Variants in CTNNA3 observed in about 807,000 individuals in gnomAD.
CTNNA3 encodes catenin alpha 3.
A neutral mutation model predicts 95.7 loss-of-function variants in CTNNA3; 76 were observed. The ratio of observed to expected loss-of-function variants is 0.79; its 90% CI spans 0.66 to 0.96. The LOEUF is 0.96. Ranked by LOEUF, CTNNA3 falls within the 40% of genes least tolerant of loss-of-function variation. The probability of loss-of-function intolerance (pLI) is 0.00; values close to 1 mark genes in which losing one functional copy is unlikely to be tolerated. For missense variants in CTNNA3, 1,191 were observed against 1,089.8 expected, an observed-to-expected ratio of 1.09 and a Z score of -1.31; for synonymous variants, 431 against 374.4, an observed-to-expected ratio of 1.15 and a Z score of -1.74.
chr10:66,815,330 T>C (rs1218189140), intron 7 of CTNNA3, among the ~76,000 whole-genome samples: 1 of 152,066 alleles, frequency 6.6e-6, no homozygotes, highest in African/African-American at 2.4e-5. Context: ...CCTCCCTTCA[T>C]CCCCAGTTCT....
At chr10:67,389,777 A>G (rs1041833755) in intron 5 of CTNNA3, among the ~76,000 whole-genome samples, 4 of 151,984 alleles carry the variant, frequency 2.6e-5, no homozygotes, top group African/African-American at 9.7e-5. Flanking sequence ...GCTCAACTAC[A>G]TGGAAACTGA....
At chr10:66,345,455 T>G (rs2092499764) in intron 12 of CTNNA3, among the ~76,000 whole-genome samples, 1 of 152,148 alleles carries the variant, frequency 6.6e-6, no homozygotes, top group African/African-American at 2.4e-5. Flanking sequence ...CTCTGTGTCA[T>G]TATTCTACCA....
chr10:67,182,309 A>G (rs1436780737), intron 6 of CTNNA3, among the ~76,000 whole-genome samples: 1 of 152,212 alleles, frequency 6.6e-6, no homozygotes, highest in African/African-American at 2.4e-5. Context: ...GGCTACAGTA[A>G]CCAAAACAGC....
intron 7 of CTNNA3, among the ~76,000 whole-genome samples, chr10:66,915,137 A>C (rs1846421712): frequency 6.6e-6 from 1 of 151,970 alleles, no homozygotes; most frequent in Non-Finnish European, 1.5e-5. Context: ...ATTTGTATAG[A>C]ACTGAAGGAC....
At chr10:67,251,254 A>G (rs1052872118) in intron 5 of CTNNA3, among the ~76,000 whole-genome samples, 1 of 152,208 alleles carries the variant, frequency 6.6e-6, no homozygotes, top group African/African-American at 2.4e-5. Flanking sequence ...GGTATGAGTT[A>G]GTTTCTATGA....
chr10:67,648,072 T>C (rs1839770528), intron 1 of CTNNA3, among the ~76,000 whole-genome samples: 1 of 152,166 alleles, frequency 6.6e-6, no homozygotes, highest in Non-Finnish European at 1.5e-5. Context: ...AAGAAACTAA[T>C]ACAAATTGCA....
At chr10:66,032,340 T>C (rs1370760706) in intron 15 of CTNNA3, among the ~76,000 whole-genome samples, 1 of 152,200 alleles carries the variant, frequency 6.6e-6, no homozygotes, top group African/African-American at 2.4e-5. Context: ...TATGTAGAGG[T>C]ATTTTTAGGT....
chr10:65,944,647 A>G (rs920404570), intron 17 of CTNNA3, among the ~76,000 whole-genome samples: 3 of 152,184 alleles, frequency 2.0e-5, no homozygotes, highest in African/African-American at 7.2e-5. Context: ...ATATTAAGCC[A>G]TTTAGCTGGC....
intron 5 of CTNNA3, among the ~76,000 whole-genome samples, chr10:67,374,794 T>C (rs545894099): frequency 1.3e-5 from 2 of 152,286 alleles, no homozygotes; most frequent in South Asian, 4.2e-4. Flanking sequence ...CATAAGCTAC[T>C]TGAAGAGAAA....
intron 7 of CTNNA3, among the ~76,000 whole-genome samples, chr10:67,095,063 TG>T (rs1210949464): frequency 2.9e-5 from 3 of 103,102 alleles, no homozygotes; most frequent in African/African-American, 1.7e-4. Flanking sequence ...TGTATCTGTA[TG>T]TGTGTACCCC....
chr10:67,386,619 T>C (rs941195264), intron 5 of CTNNA3, among the ~76,000 whole-genome samples: 1 of 152,148 alleles, frequency 6.6e-6, no homozygotes, highest in African/African-American at 2.4e-5. Flanking sequence ...AACAAAGCAC[T>C]GAGGAAGATC....
At chr10:66,627,892 T>C (rs1844994015) in intron 9 of CTNNA3, among the ~76,000 whole-genome samples, 2 of 152,208 alleles carry the variant, frequency 1.3e-5, no homozygotes, top group Admixed American at 6.5e-5. Context: ...CTGCTCATTC[T>C]GTTTGAAAAC....
intron 7 of CTNNA3, among the ~76,000 whole-genome samples, chr10:67,074,811 AATTT>A (rs934854749): frequency 1.4e-5 from 2 of 147,108 alleles, no homozygotes; most frequent in Admixed American, 6.6e-5. Context: ...AACATAACAT[AATTT>A]ATTTATGTAT....
intron 13 of CTNNA3, among the ~76,000 whole-genome samples, chr10:66,205,121 T>G (rs1210379803): frequency 1.3e-5 from 2 of 152,110 alleles, no homozygotes; most frequent in African/African-American, 4.8e-5. Context: ...GTCCACTAAT[T>G]AAGCTTGATT....
intron 7 of CTNNA3, among the ~76,000 whole-genome samples, chr10:66,910,883 A>C (rs1846193642): frequency 6.6e-6 from 1 of 152,234 alleles, no homozygotes. Flanking sequence ...ACAGTGAGCT[A>C]TTCATGGGAT....
At chr10:67,047,610 A>G (rs987568426) in intron 7 of CTNNA3, among the ~76,000 whole-genome samples, 2 of 152,134 alleles carry the variant, frequency 1.3e-5, no homozygotes, top group African/African-American at 4.8e-5. Flanking sequence ...CGTATAGGCA[A>G]TAAATGGTGT....
chr10:66,103,235 C>T lies in CTNNA3; in HGVS notation c.1899G>A (p.Leu633=). The change falls in exon 14 of 18, where the codon CTG becomes CTA. Residue 633 remains leucine (L), a synonymous_variant. Transcript: ENST00000433211. ...SVMMIRTPEE[L]EDVSDLEEEH... is the part of the protein sequence containing the mutation. ...CCTCTTCAAGGTCAGAAACATCCTC[C>T]AGTTCCTCTGGGGTCTATAAAAAGA... 1.9e-6 allele frequency: 3 copies of T among 1,613,932 alleles called. No individual in the cohort carries two copies. Among genetic ancestry groups the T allele is most frequent in the Non-Finnish European group, 2.5e-6 (3 of 1,179,810 alleles).
At chr10:66,897,239 T>C (rs1168361716) in intron 7 of CTNNA3, among the ~76,000 whole-genome samples, 1 of 152,028 alleles carries the variant, frequency 6.6e-6, no homozygotes, top group Non-Finnish European at 1.5e-5. Context: ...TTTATATATA[T>C]AGGAAAATAT....
chr10:67,067,433 T>C (rs896206115), intron 7 of CTNNA3, among the ~76,000 whole-genome samples: 11 of 152,218 alleles, frequency 7.2e-5, no homozygotes, highest in Non-Finnish European at 1.3e-4. Context: ...AGATAATTAC[T>C]TTGTCCCTAT....
Sources: allele counts gnomAD v4.1 joint callset (sites outside exome capture counted in the v4.1 genomes callset), GRCh38; gene constraint gnomAD v4.1.1; transcripts MANE v1.5; gene names NCBI Gene and HGNC (gene_info 2026-07-23, HGNC 2026-07-21).